KAZN: variants seen among roughly 807,000 people sequenced by gnomAD.
KAZN encodes kazrin, periplakin interacting protein.
KAZN carries 40 observed loss-of-function variants against 87.4 expected under a neutral mutation model. The observed-to-expected ratio is 0.46, with a 90% CI of 0.36 to 0.60. KAZN has a LOEUF of 0.60. Ranked by LOEUF, KAZN falls within the 20% of genes least tolerant of loss-of-function variation. The probability of loss-of-function intolerance (pLI) is 0.00; values close to 1 mark genes in which losing one functional copy is unlikely to be tolerated. For missense variants in KAZN, 898 were observed against 1,073.9 expected (o/e 0.84, Z 2.29); for synonymous variants, 466 against 458.3 (o/e 1.02, Z -0.22).
chr1:14,581,298 C>G (rs1675531982), intron 2 of KAZN, among the ~76,000 whole-genome samples: 1 of 152,184 alleles, frequency 6.6e-6, no homozygotes, highest in Admixed American at 6.5e-5. Flanking sequence ...TAAATACAAG[C>G]ATTCAGGTCA....
intron 2 of KAZN, among the ~76,000 whole-genome samples, chr1:14,330,687 G>C (rs527772585): frequency 1.3e-5 from 2 of 152,116 alleles, no homozygotes; most frequent in South Asian, 4.2e-4. Context: ...ATAAATACAT[G>C]TATGTGGTCA....
At chr1:15,059,878 G>T (rs548847819) in intron 5 of KAZN, among the ~76,000 whole-genome samples, 1 of 152,096 alleles carries the variant, frequency 6.6e-6, no homozygotes, top group East Asian at 1.9e-4. Flanking sequence ...GAAACGAGGA[G>T]ACTTGAATTT....
At chr1:14,883,355 A>AAAGAAAGAAAGAAAGAAAGAAAG in intron 1 of KAZN, among the ~76,000 whole-genome samples, 1 of 20,620 alleles carries the variant, frequency 4.8e-5, no homozygotes, top group Non-Finnish European at 9.5e-5. Flanking sequence ...AGAAAGAAAG[A>AAAGAAAGAAAGAAAGAAAGAAAG]AAAGAAAGAA....
intron 1 of KAZN, among the ~76,000 whole-genome samples, chr1:14,899,414 T>C (rs889814063): frequency 1.3e-5 from 2 of 152,196 alleles, no homozygotes; most frequent in Non-Finnish European, 2.9e-5. Flanking sequence ...ACCTGAGACC[T>C]GTGAACTTGG....
At chr1:14,578,319 C>T (rs952301059) in intron 2 of KAZN, among the ~76,000 whole-genome samples, 3 of 152,208 alleles carry the variant, frequency 2.0e-5, no homozygotes, top group Middle Eastern at 3.4e-3. Flanking sequence ...CTGTGAAGCA[C>T]CCTTCTTGCT....
intron 1 of KAZN, among the ~76,000 whole-genome samples, chr1:14,782,086 T>C (rs1351377285): frequency 6.6e-6 from 1 of 152,194 alleles, no homozygotes; most frequent in African/African-American, 2.4e-5. Context: ...GTCTGGCACA[T>C]ATAAAGAATG....
At chr1:13,924,737 A>AT (rs1327009232) in intron 1 of KAZN, among the ~76,000 whole-genome samples, 1 of 152,174 alleles carries the variant, frequency 6.6e-6, no homozygotes, top group Non-Finnish European at 1.5e-5. Context: ...TTCCAGACTG[A>AT]ACCAGTGTTC....
intron 1 of KAZN, among the ~76,000 whole-genome samples, chr1:14,838,117 G>A (rs867801460): frequency 1.3e-5 from 2 of 152,156 alleles, no homozygotes; most frequent in African/African-American, 4.8e-5. Context: ...CCAAGATGGC[G>A]CCTTGGGGCT....
intron 2 of KAZN, among the ~76,000 whole-genome samples, chr1:14,474,333 G>A (rs1245102470): frequency 6.6e-6 from 1 of 152,102 alleles, no homozygotes; most frequent in Non-Finnish European, 1.5e-5. Context: ...GTGAACTGAA[G>A]ACCAACTACT....
At chr1:14,913,715 A>AG (rs1199763506) in intron 1 of KAZN, among the ~76,000 whole-genome samples, 3 of 152,238 alleles carry the variant, frequency 2.0e-5, no homozygotes, top group Admixed American at 6.5e-5. Context: ...CTGCCTGTGC[A>AG]GGGGTGGTGG....
upstream of KAZN, among the ~76,000 whole-genome samples, chr1:14,593,991 T>C (rs1287835737): frequency 6.6e-6 from 1 of 152,204 alleles, no homozygotes; most frequent in Non-Finnish European, 1.5e-5. Context: ...CAAAGCTGCG[T>C]GGTTCATTCC....
Position 14,474,352 on chromosome 1 carries a change from G to A in KAZN, c.250-124631G>A, listed in dbSNP as rs568523237. ...ACTGAAGACCAACTACTTTCACTGC[G>A]TTCTACTTTCGTTGAAGTTATTAGA... On this transcript the variant is annotated intron_variant, in intron 2 of 16. Transcript: ENST00000636203. Among the ~76,000 whole-genome samples, 4 of 152,170 alleles carry A rather than the reference G, an allele frequency of 2.6e-5. No individual in the cohort carries two copies. The East Asian group carries it at 5.8e-4, about 22-fold the overall frequency.
At chr1:14,122,706 C>A (rs1031569439) in intron 1 of KAZN, among the ~76,000 whole-genome samples, 3 of 152,166 alleles carry the variant, frequency 2.0e-5, no homozygotes, top group African/African-American at 7.2e-5. Flanking sequence ...TAGTCTATTG[C>A]TTTTAGGCTG....
chr1:14,978,118 C>T (rs1665852995), intron 2 of KAZN, among the ~76,000 whole-genome samples: 1 of 152,130 alleles, frequency 6.6e-6, no homozygotes, highest in Non-Finnish European at 1.5e-5. Flanking sequence ...TCCCCGTGGC[C>T]TTCCTCACGT....
At chr1:14,258,220 T>TTC (rs1250386981) in intron 2 of KAZN, among the ~76,000 whole-genome samples, 12 of 144,158 alleles carry the variant, frequency 8.3e-5, no homozygotes, top group African/African-American at 3.0e-4. Flanking sequence ...CTTTCTTTCT[T>TTC]TTTTTTTTTT....
In KAZN at chr1:14,949,511, A is replaced by C. The variant is rs998130599; in HGVS notation, c.227-11173A>C. Among the ~76,000 whole-genome samples, 11 of 152,320 alleles carry C rather than the reference A, an allele frequency of 7.2e-5. No homozygotes were observed. The East Asian group carries it at 2.1e-3, about 29-fold the overall frequency. On this transcript the variant is annotated intron_variant, in intron 1 of 14. Coordinates refer to ENST00000376030, the MANE Select transcript of KAZN (RefSeq NM_201628.3). This position sits in a 1 kb window ranked among gnomAD's most constrained non-coding sequence, Gnocchi z 4.3. Reference sequence around the variant, plus strand: ...TCGGGAACCCAGCCACTCTGGTGGCAGGCAGGTGCCTGCCTCTCCCACCCC... The same window carrying C: ...TCGGGAACCCAGCCACTCTGGTGGCCGGCAGGTGCCTGCCTCTCCCACCCC...
intron 2 of KAZN, among the ~76,000 whole-genome samples, chr1:15,015,473 A>G (rs1036181313): frequency 1.3e-5 from 2 of 152,250 alleles, no homozygotes; most frequent in East Asian, 1.9e-4. Context: ...GTTTTTAAAC[A>G]TGGTTTAAAA....
intron 1 of KAZN, among the ~76,000 whole-genome samples, chr1:14,778,189 C>T (rs893533130): frequency 4.6e-5 from 7 of 152,112 alleles, no homozygotes; most frequent in African/African-American, 1.7e-4. Flanking sequence ...CATTTAAATG[C>T]ATTAAAATTA....
chr1:14,035,465 T>C lies in KAZN; in HGVS notation c.91+141709T>C, dbSNP rs1641513179. ...GTTTCTTTTGCCTTTTTTTCTTCTT[T>C]TTTTTTTTTTCTGAGACAGGTCCTC... On this transcript the variant is annotated intron_variant, in intron 1 of 16. Coordinates refer to the KAZN transcript ENST00000636203. 2.0e-5 allele frequency among the ~76,000 whole-genome samples: 3 copies of C among 151,520 alleles called. No individual in the cohort carries two copies. The South Asian group carries it at 6.3e-4, about 32-fold the overall frequency.
Sources: gnomAD v4.1 joint callset for allele counts (sites outside exome capture counted in the v4.1 genomes callset) on GRCh38, gnomAD v4.1.1 for gene constraint, Gnocchi (gnomAD v3.1) non-coding constraint, MANE v1.5 for transcripts, NCBI Gene and HGNC (gene_info 2026-07-23, HGNC 2026-07-21) for gene names.